Variants in SNX1 observed in about 807,000 individuals in gnomAD.
The protein encoded by SNX1 is sorting nexin-1.
Under a neutral mutation model 71.8 loss-of-function variants are expected in SNX1, and 36 were observed. That is an observed-to-expected ratio of 0.50 (90% CI 0.38 to 0.66). The LOEUF (loss-of-function observed/expected upper bound fraction) is 0.66, where lower values mean the gene tolerates loss of function less well. Among genes scored for constraint, SNX1 ranks in the 30% least tolerant of loss-of-function variants. The probability of loss-of-function intolerance (pLI) is 0.00; values close to 1 mark genes in which losing one functional copy is unlikely to be tolerated. For synonymous variants in SNX1, 254 were observed against 240.7 expected (o/e 1.06, Z -0.51); for missense variants, 612 against 646.7 (o/e 0.95, Z 0.58).
At chr15:64,106,434 G>A (rs919985743) in intron 1 of SNX1, among the ~76,000 whole-genome samples, 1 of 152,212 alleles carries the variant, frequency 6.6e-6, no homozygotes, top group Non-Finnish European at 1.5e-5. Context: ...TAGTGCATCT[G>A]TGCCAGTTTT....
chr15:64,113,753 G>A (rs1226008222), intron 2 of SNX1, among the ~76,000 whole-genome samples: 1 of 152,102 alleles, frequency 6.6e-6, no homozygotes, highest in Non-Finnish European at 1.5e-5. Flanking sequence ...CCCTGGAGGT[G>A]GAAGTTGCAG....
intron 2 of SNX1, among the ~76,000 whole-genome samples, chr15:64,113,081 C>G (rs1434121726): frequency 2.0e-5 from 3 of 152,124 alleles, no homozygotes; most frequent in Admixed American, 1.3e-4. Context: ...CATACTGGTA[C>G]AAAACAGAAA....
chr15:64,137,133 G>A (rs1366097643), intron 14 of SNX1, among the ~76,000 whole-genome samples: 1 of 152,196 alleles, frequency 6.6e-6, no homozygotes, highest in Non-Finnish European at 1.5e-5. Flanking sequence ...GCCCAGGTCT[G>A]CTGCCCTCAT....
At chr15:64,123,424 T>G in intron 4 of SNX1, 79 bp from the exon 5 acceptor site, 1 of 1,246,700 alleles carries the variant, frequency 8.0e-7, no homozygotes, top group Non-Finnish European at 1.2e-6. Context: ...ATGGCTTTTA[T>G]GATTCCTGGT....
rs142477216 is a variant in SNX1 at position 64,109,490 on chromosome 15, T to TTTTTGTTTTG, written c.160-3058_160-3049dup. 4.0e-3 allele frequency among the ~76,000 whole-genome samples: 602 copies of TTTTTGTTTTG among 149,824 alleles called. 4 individuals carry two copies. Among genetic ancestry groups the TTTTTGTTTTG allele is most frequent in the African/African-American group, 0.014 (579 of 40,806 alleles). On this transcript the variant is annotated intron_variant, in intron 1 of 14. Coordinates refer to ENST00000559844, the MANE Select transcript of SNX1 (RefSeq NM_003099.5). ...TTTTCACTACTCAACCTAGTGAAGA[T>TTTTTGTTTTG]TTTTGTTTTGTTTTGTTTTGTTTTG...
chr15:64,114,970 G>A (rs184490973), intron 2 of SNX1, among the ~76,000 whole-genome samples: 4 of 152,168 alleles, frequency 2.6e-5, no homozygotes, highest in South Asian at 2.1e-4. Context: ...GCAAAACCTC[G>A]TCTCTATTAA....
At chr15:64,117,317 C>T (rs548644145) in intron 2 of SNX1, among the ~76,000 whole-genome samples, 77 of 152,140 alleles carry the variant, frequency 5.1e-4, no homozygotes, top group Non-Finnish European at 9.7e-4. Context: ...TGCAGTGGCG[C>T]GATCTCGGCT....
Position 64,136,369 on chromosome 15 carries a change from A to C in SNX1, c.1405A>C (p.Arg469=). The C allele has an allele frequency of 6.2e-7, 1 of 1,614,178 alleles. No individual in the cohort carries two copies. Among genetic ancestry groups the C allele is most frequent in the Non-Finnish European group, 8.5e-7 (1 of 1,179,986 alleles). Residue 469 remains arginine (R), a synonymous_variant, in exon 13 of 15, where the codon AGG becomes CGG. Transcript: ENST00000559844. ...GACTCAATATGAAAGGGACTTCGAGAGGATTTCAACAGTGGTCCGAAAAGA... is the reference window on the plus strand; with the variant it reads ...GACTCAATATGAAAGGGACTTCGAGCGGATTTCAACAGTGGTCCGAAAAGA... ...RVTQYERDFE[R]ISTVVRKEVI...
chr15:64,125,962 A>G, intron 5 of SNX1, 117 bp from the exon 6 acceptor site: 1 of 1,038,230 alleles, frequency 9.6e-7, no homozygotes, highest in Non-Finnish European at 1.5e-6. Context: ...GTTATTTGCC[A>G]GGTGACTGAA....
intron 8 of SNX1, 63 bp downstream of exon 8, chr15:64,127,869 T>C: frequency 1.6e-6 from 2 of 1,267,242 alleles, no homozygotes; most frequent in Non-Finnish European, 1.2e-6. Flanking sequence ...ACGAAACTAG[T>C]TCATTCCAAA....
rs1370851191 is a variant in SNX1, at chr15:64,107,660, A to G, written c.160-4913A>G. Reference sequence around the variant, plus strand: ...AACAGTTGAACTCTTAAACAGGCTGATCAGTAGAACCACTGGCTAGAATTA... The same window carrying G: ...AACAGTTGAACTCTTAAACAGGCTGGTCAGTAGAACCACTGGCTAGAATTA... On this transcript the variant is annotated intron_variant, in intron 1 of 14. Coordinates refer to ENST00000559844, the MANE Select transcript of SNX1 (RefSeq NM_003099.5). Among the ~76,000 whole-genome samples, 8 of 152,208 alleles carry G rather than the reference A, an allele frequency of 5.3e-5. No homozygotes were observed. In the East Asian group the frequency reaches 1.5e-3, roughly 29 times the overall value.
intron 4 of SNX1, 28 bp from the exon 5 acceptor site, chr15:64,123,475 A>G: frequency 1.2e-6 from 2 of 1,607,764 alleles, no homozygotes; most frequent in Non-Finnish European, 1.7e-6. Context: ...TTTACAAGAT[A>G]ATCTTCTGCT....
Position 64,134,570 on chromosome 15 carries a change from C to T in SNX1, c.1222-94C>T. On this transcript the variant is annotated intron_variant, in intron 11 of 14. Coordinates refer to ENST00000559844, the MANE Select transcript of SNX1 (RefSeq NM_003099.5). The surrounding 1 kb of genome is among the most constrained non-coding windows in gnomAD (Gnocchi z 4.1). Reference sequence around the variant, plus strand: ...CAGAACCTGCCCTTGCTCAGTCTGTCCCTGGTGCAGCTGCTGGGAGAGCCT... The same window carrying T: ...CAGAACCTGCCCTTGCTCAGTCTGTTCCTGGTGCAGCTGCTGGGAGAGCCT... 4 of 1,461,030 alleles carry T rather than the reference C, an allele frequency of 2.7e-6. No homozygotes were observed. Among genetic ancestry groups the T allele is most frequent in the African/African-American group, 1.4e-5 (1 of 71,114 alleles). The allele number at this position is 1,461,030 out of a possible 1,614,324, so 90.5% of individuals were successfully genotyped here. A position where few individuals can be genotyped will look rare whatever the true frequency, so the allele number is the denominator to read the frequency against.
At chr15:64,117,827 T>G (rs2081146838) in intron 2 of SNX1, among the ~76,000 whole-genome samples, 1 of 152,162 alleles carries the variant, frequency 6.6e-6, no homozygotes, top group South Asian at 2.1e-4. Context: ...ATTTTGGCTG[T>G]GTTGTCTTTT....
intron 4 of SNX1, among the ~76,000 whole-genome samples, chr15:64,121,218 C>T (rs2081193518): frequency 6.6e-6 from 1 of 152,180 alleles, no homozygotes; most frequent in Non-Finnish European, 1.5e-5. Context: ...ATACTGGTTT[C>T]CTAAGGCTGC....
At chr15:64,100,457 G>A (rs1014857746) in intron 1 of SNX1, among the ~76,000 whole-genome samples, 8 of 151,826 alleles carry the variant, frequency 5.3e-5, no homozygotes, top group African/African-American at 1.9e-4. Context: ...AAAATTAGCC[G>A]GGCGTGGTGG....
chr15:64,103,025 C>T (rs1479650330), intron 1 of SNX1, among the ~76,000 whole-genome samples: 1 of 152,064 alleles, frequency 6.6e-6, no homozygotes, highest in African/African-American at 2.4e-5. Context: ...CCTTGGCCTC[C>T]CGAAGTGTTG....
At chr15:64,122,181 T>C (rs2081202777) in intron 4 of SNX1, among the ~76,000 whole-genome samples, 2 of 152,216 alleles carry the variant, frequency 1.3e-5, no homozygotes, top group Non-Finnish European at 2.9e-5. Flanking sequence ...CACTAAATTA[T>C]GGGATTGACT....
chr15:64,130,314 T>C lies in SNX1; in HGVS notation c.1008T>C (p.His336=), dbSNP rs759772635. ...LHAVVETLVN[H]RKELALNTAQ... is the part of the protein sequence containing the mutation. ...CTGTTGTAGAAACTCTAGTCAACCA[T>C]AGGAAAGGTAACAAGCTCTGAAATG... Residue 336 remains histidine (H), a synonymous_variant, in exon 10 of 15, where the codon CAT becomes CAC. Coordinates refer to ENST00000559844, the MANE Select transcript of SNX1 (RefSeq NM_003099.5). 34 of 1,613,306 alleles carry C rather than the reference T, an allele frequency of 2.1e-5. No individual in the cohort carries two copies. Among genetic ancestry groups the C allele is most frequent in the Admixed American group, 6.7e-5 (4 of 59,986 alleles).
Sources: allele counts gnomAD v4.1 joint callset (sites outside exome capture counted in the v4.1 genomes callset), GRCh38; gene constraint gnomAD v4.1.1; non-coding constraint Gnocchi (gnomAD v3.1); transcripts MANE v1.5; gene names NCBI Gene and HGNC (gene_info 2026-07-23, HGNC 2026-07-21).